The following SHISA9 variants were observed in gnomAD, a reference collection of about 807,000 sequenced individuals.
SHISA9 encodes shisa family member 9.
SHISA9 carries 13 observed loss-of-function variants against 38.0 expected under a neutral mutation model. The ratio of observed to expected loss-of-function variants is 0.34; its 90% CI spans 0.22 to 0.54. The LOEUF is 0.54. SHISA9 is among the 20% of genes least tolerant of loss of function. The pLI, the probability that SHISA9 is intolerant of heterozygous loss-of-function variation, is 0.91. For synonymous variants in SHISA9, 275 were observed against 242.0 expected, an observed-to-expected ratio of 1.14 and a Z score of -1.27; for missense variants, 538 against 575.8, an observed-to-expected ratio of 0.93 and a Z score of 0.67.
chr16:13,443,861 A>T, the SHISA9 span, among the ~76,000 whole-genome samples: 1 of 152,056 alleles, frequency 6.6e-6, no homozygotes, highest in South Asian at 2.1e-4. Context: ...TTATGGGATC[A>T]TCTGGACATC....
Position 13,235,078 on chromosome 16 carries a change from A to G in SHISA9, c.944A>G (p.Glu315Gly), listed in dbSNP as rs1294083717. The G allele has an allele frequency of 1.4e-5, 21 of 1,551,254 alleles. No individual in the cohort carries two copies. The highest frequency in any genetic ancestry group is 1.4e-5 in the Non-Finnish European group (16 of 1,146,948). Residue 315 changes from glutamate to glycine, a missense_variant, in exon 5 of 5, where the codon GAG becomes GGG. By Grantham distance (98) the Glu-to-Gly change is moderately conservative. This residue lies in a region of SHISA9 where 326 missense variants were observed against 305.9 expected (regional missense o/e 1.07). Coordinates refer to ENST00000558583, the MANE Select transcript of SHISA9 (RefSeq NM_001145204.3). Reference protein sequence around the residue: ...DFYTKRRHLAELAAKGNLPLH... With the variant: ...DFYTKRRHLAGLAAKGNLPLH... Reference sequence around the variant, plus strand: ...TACACCAAGCGACGGCACCTGGCTGAGCTGGCTGCCAAGGGGAACTTACCT... The same window carrying G: ...TACACCAAGCGACGGCACCTGGCTGGGCTGGCTGCCAAGGGGAACTTACCT...
chr16:13,279,844 G>C, the SHISA9 span, among the ~76,000 whole-genome samples: 1 of 151,772 alleles, frequency 6.6e-6, no homozygotes, highest in African/African-American at 2.4e-5. Flanking sequence ...ATCTGTTTTA[G>C]TATTATGTAA....
At chr16:13,184,085 A>G (rs2050799337) in intron 2 of SHISA9, among the ~76,000 whole-genome samples, 1 of 152,112 alleles carries the variant, frequency 6.6e-6, no homozygotes, top group Non-Finnish European at 1.5e-5. Flanking sequence ...TCCTCTACCC[A>G]GAGGATTGTT....
chr16:13,460,988 G>T, the SHISA9 span, among the ~76,000 whole-genome samples: 2 of 152,160 alleles, frequency 1.3e-5, no homozygotes, highest in African/African-American at 4.8e-5. Flanking sequence ...TTCTACTTGT[G>T]TCTTTTGCTG....
chr16:13,549,131 C>T, the SHISA9 span, among the ~76,000 whole-genome samples: 1 of 152,170 alleles, frequency 6.6e-6, no homozygotes, highest in Non-Finnish European at 1.5e-5. Context: ...ACGAATACCA[C>T]ACAATCTCTC....
intron 2 of SHISA9, among the ~76,000 whole-genome samples, chr16:13,200,807 C>T (rs1596726330): frequency 7.4e-6 from 1 of 135,628 alleles, no homozygotes; most frequent in South Asian, 2.3e-4. Context: ...AACACTTGGG[C>T]TTGTGTGATG....
intron 3 of SHISA9, among the ~76,000 whole-genome samples, chr16:13,206,055 G>A (rs916896780): frequency 4.0e-5 from 6 of 151,774 alleles, no homozygotes; most frequent in Non-Finnish European, 5.9e-5. Flanking sequence ...GTGAGCTACT[G>A]CACTTGGCCA....
chr16:13,548,542 GC>G, the SHISA9 span, among the ~76,000 whole-genome samples: 1 of 152,092 alleles, frequency 6.6e-6, no homozygotes, highest in Non-Finnish European at 1.5e-5. Flanking sequence ...TTAAAAAGGG[GC>G]AAAAGACCTG....
intron 2 of SHISA9, among the ~76,000 whole-genome samples, chr16:12,961,779 C>T (rs1412284135): frequency 6.6e-6 from 1 of 152,238 alleles, no homozygotes; most frequent in African/African-American, 2.4e-5. Context: ...CCAATCAGCT[C>T]TCTCCTGTGA....
intron 2 of SHISA9, among the ~76,000 whole-genome samples, chr16:13,183,655 C>G (rs1273197478): frequency 6.6e-6 from 1 of 152,198 alleles, no homozygotes; most frequent in Non-Finnish European, 1.5e-5. Context: ...CTATGTTTTC[C>G]TTTTGTGAAT....
chr16:13,150,976 A>C (rs1456776595), intron 2 of SHISA9, among the ~76,000 whole-genome samples: 1 of 152,260 alleles, frequency 6.6e-6, no homozygotes, highest in South Asian at 2.1e-4. Flanking sequence ...AGGTTGAACC[A>C]GCAGAATATG....
At chr16:13,111,948 A>G (rs527623997) in intron 2 of SHISA9, among the ~76,000 whole-genome samples, 12 of 152,274 alleles carry the variant, frequency 7.9e-5, no homozygotes, top group Admixed American at 2.0e-4. Flanking sequence ...AGGCTCAGAG[A>G]GGTTAGGAAA....
the SHISA9 span, among the ~76,000 whole-genome samples, chr16:13,434,419 G>GGTTTTTTTTTTTTTTTTTT: frequency 4.6e-5 from 3 of 64,566 alleles, no homozygotes; most frequent in Non-Finnish European, 9.6e-5. Context: ...GACAAGCTAT[G>GGTTTTTTTTTTTTTTTTTT]TTTTTTTTTT....
rs771387289 is a variant in SHISA9 at position 12,902,340 on chromosome 16, G to C, written c.276G>C (p.Ser92=). The C allele has an allele frequency of 4.8e-5, 75 of 1,551,334 alleles. No individual in the cohort carries two copies. In the Middle Eastern group the frequency reaches 5.0e-4, roughly 10 times the overall value. ...GGGACCCGCCGTTCAACTGCAGCTC[G>C]GGCGACTTCATCTTCTGCTGCGGGA... ...GQWDPPFNCS[S]GDFIFCCGTC... The change falls in exon 1 of 5, where the codon TCG becomes TCC. Residue 92 remains serine (S), a synonymous_variant. Coordinates refer to ENST00000558583, the MANE Select transcript of SHISA9 (RefSeq NM_001145204.3).
chr16:13,503,254 T>TCG, the SHISA9 span, among the ~76,000 whole-genome samples: 1 of 152,196 alleles, frequency 6.6e-6, no homozygotes, highest in East Asian at 1.9e-4. Context: ...ATGACACTAG[T>TCG]ATAGCGATAT....
chr16:13,524,574 T>G, the SHISA9 span, among the ~76,000 whole-genome samples: 1 of 152,056 alleles, frequency 6.6e-6, no homozygotes, highest in African/African-American at 2.4e-5. Flanking sequence ...TCAAAAAATT[T>G]TTTCGAAACA....
the SHISA9 span, among the ~76,000 whole-genome samples, chr16:13,434,024 C>T: frequency 2.6e-5 from 4 of 152,152 alleles, no homozygotes; most frequent in Admixed American, 6.5e-5. Context: ...TAGCAAGATA[C>T]CCAGTACGAG....
chr16:13,052,417 C>T (rs188135632), intron 2 of SHISA9, among the ~76,000 whole-genome samples: 1 of 152,182 alleles, frequency 6.6e-6, no homozygotes, highest in Admixed American at 6.5e-5. Context: ...GGCCAAGAAG[C>T]CCACTGTCTT....
the SHISA9 span, among the ~76,000 whole-genome samples, chr16:13,406,487 G>A: frequency 6.6e-6 from 1 of 152,124 alleles, no homozygotes; most frequent in Non-Finnish European, 1.5e-5. Context: ...CTAGACTCAG[G>A]TCCAGGGCAT....
Sources: allele counts gnomAD v4.1 joint callset (sites outside exome capture counted in the v4.1 genomes callset), GRCh38; gene constraint gnomAD v4.1.1; regional missense constraint gnomAD v4.1.1; transcripts MANE v1.5; gene names NCBI Gene and HGNC (gene_info 2026-07-23, HGNC 2026-07-21).